NDST4: variants seen among roughly 807,000 people sequenced by gnomAD.
NDST4 encodes the protein N-heparan sulfate sulfotransferase 4.
A neutral mutation model predicts 100.8 loss-of-function variants in NDST4; 63 were observed. That is an observed-to-expected ratio of 0.62 (90% CI 0.51 to 0.77). The LOEUF is 0.77. NDST4 is among the 30% of genes least tolerant of loss of function. NDST4 has a pLI of 0.00. For missense variants in NDST4, 943 were observed against 1,018.4 expected (o/e 0.93, Z 1.01); for synonymous variants, 377 against 361.8 (o/e 1.04, Z -0.48).
chr4:114,930,712 C>T (rs543606152), intron 6 of NDST4, among the ~76,000 whole-genome samples: 4 of 152,046 alleles, frequency 2.6e-5, no homozygotes, highest in Admixed American at 6.6e-5. Flanking sequence ...TTTCTGTATA[C>T]ACTGGGACAT....
At chr4:114,974,656 T>G (rs892735465) in intron 3 of NDST4, among the ~76,000 whole-genome samples, 1 of 152,158 alleles carries the variant, frequency 6.6e-6, no homozygotes, top group Non-Finnish European at 1.5e-5. Context: ...AACTCCGTGC[T>G]TTTATTTTTT....
intron 2 of NDST4, among the ~76,000 whole-genome samples, chr4:115,056,196 A>G (rs2126281123): frequency 1.3e-5 from 2 of 152,112 alleles, no homozygotes; most frequent in Middle Eastern, 3.4e-3. Context: ...TACAAAAGAT[A>G]TAAACATGAG....
rs34847662 is a variant in NDST4 at position 115,076,488 on chromosome 4, G to T, written c.549C>A (p.Asn183Lys). 2.5e-6 allele frequency: 4 copies of T among 1,613,844 alleles called. No individual in the cohort carries two copies. Among genetic ancestry groups the T allele is most frequent in the Non-Finnish European group, 3.4e-6 (4 of 1,179,962 alleles). ...PSTQLKGFPL[N>K]LFNNLALKDC... ...CCTTTAGAGCTAGATTATTGAAAAG[G>T]TTTAACGGAAAGCCTTTTAATTGTG... The change falls in exon 2 of 14, where the codon AAC becomes AAA. Residue 183 changes from asparagine (N) to lysine (K), a missense_variant. Transcript: ENST00000264363.
intron 6 of NDST4, among the ~76,000 whole-genome samples, chr4:114,907,327 A>G (rs988339157): frequency 6.6e-6 from 1 of 152,090 alleles, no homozygotes; most frequent in Non-Finnish European, 1.5e-5. Flanking sequence ...ACATTTACTA[A>G]ATGTCTAGCT....
chr4:114,831,816 G>A (rs1357491171), intron 12 of NDST4, among the ~76,000 whole-genome samples: 1 of 152,108 alleles, frequency 6.6e-6, no homozygotes, highest in African/African-American at 2.4e-5. Flanking sequence ...TCTAACAAAG[G>A]ACATTTATCC....
intron 6 of NDST4, among the ~76,000 whole-genome samples, chr4:114,914,819 A>G (rs1161343211): frequency 2.6e-5 from 4 of 152,100 alleles, no homozygotes; most frequent in Non-Finnish European, 5.9e-5. Flanking sequence ...TTTTTTTAAA[A>G]GGCAAGAGCA....
At chr4:114,955,923 AT>A (rs774585588) in intron 4 of NDST4, 1 of 152,140 alleles carries the variant, frequency 6.6e-6, no homozygotes, top group South Asian at 2.1e-4. Flanking sequence ...TAGGCTTATG[AT>A]TTCTCCTTGG....
At chr4:114,836,559 C>T (rs1390696462) in intron 11 of NDST4, among the ~76,000 whole-genome samples, 2 of 151,984 alleles carry the variant, frequency 1.3e-5, no homozygotes, top group African/African-American at 4.8e-5. Flanking sequence ...TTTTTTTCTT[C>T]GTTTCAACCT....
chr4:115,100,514 A>G (rs1460548053), intron 1 of NDST4, among the ~76,000 whole-genome samples: 1 of 152,118 alleles, frequency 6.6e-6, no homozygotes, highest in Non-Finnish European at 1.5e-5. Flanking sequence ...TGACATTTAT[A>G]TATAACTTTC....
chr4:114,975,774 T>C (rs1258703129), intron 3 of NDST4, among the ~76,000 whole-genome samples: 1 of 152,100 alleles, frequency 6.6e-6, no homozygotes, highest in Non-Finnish European at 1.5e-5. Context: ...TCCCATAATT[T>C]TTCCCCCTGC....
At chr4:115,052,412 A>T (rs1383001) in intron 2 of NDST4, among the ~76,000 whole-genome samples, 1 of 151,926 alleles carries the variant, frequency 6.6e-6, no homozygotes, top group African/African-American at 2.4e-5. Flanking sequence ...CTATCCATTC[A>T]TGTTACAGTT....
At chr4:114,898,591 G>A (rs1724767481) in intron 6 of NDST4, among the ~76,000 whole-genome samples, 1 of 152,156 alleles carries the variant, frequency 6.6e-6, no homozygotes, top group Non-Finnish European at 1.5e-5. Flanking sequence ...CACTTTTGGG[G>A]ATTTTAATTG....
At chr4:115,074,857 A>G (rs1729147739) in intron 2 of NDST4, among the ~76,000 whole-genome samples, 1 of 152,118 alleles carries the variant, frequency 6.6e-6, no homozygotes, top group Non-Finnish European at 1.5e-5. Context: ...TGATTCCTTT[A>G]TTATTCTTAG....
chr4:114,969,442 TCAGA>T (rs1369161240), intron 4 of NDST4, among the ~76,000 whole-genome samples: 1 of 151,636 alleles, frequency 6.6e-6, no homozygotes, highest in Non-Finnish European at 1.5e-5. Context: ...AAGCATAGTA[TCAGA>T]CAGGTAGTTT....
chr4:114,835,206 G>T (rs1723283571), intron 11 of NDST4, among the ~76,000 whole-genome samples: 1 of 152,026 alleles, frequency 6.6e-6, no homozygotes, highest in East Asian at 1.9e-4. Context: ...TTTTAATTAT[G>T]ATGTTAGAGT....
At chr4:115,049,759 T>C (rs767312887) in intron 2 of NDST4, among the ~76,000 whole-genome samples, 1 of 152,082 alleles carries the variant, frequency 6.6e-6, no homozygotes, top group African/African-American at 2.4e-5. Flanking sequence ...GTAAAAGTTG[T>C]TGGAGTTGGG....
At chr4:115,030,221 CA>C (rs1475676794) in intron 2 of NDST4, among the ~76,000 whole-genome samples, 1 of 151,998 alleles carries the variant, frequency 6.6e-6, no homozygotes, top group Non-Finnish European at 1.5e-5. Flanking sequence ...GCTTGTCTAC[CA>C]GCAAGCCAGA....
At chr4:115,018,889 T>C (rs1439995004) in intron 2 of NDST4, among the ~76,000 whole-genome samples, 3 of 151,916 alleles carry the variant, frequency 2.0e-5, no homozygotes, top group Admixed American at 6.6e-5. Flanking sequence ...TTTCAGAAAA[T>C]TGCATCAAAG....
At chr4:115,107,811 A>G (rs1729860721) in intron 1 of NDST4, among the ~76,000 whole-genome samples, 1 of 152,080 alleles carries the variant, frequency 6.6e-6, no homozygotes, top group Non-Finnish European at 1.5e-5. Flanking sequence ...TATTGAGCAA[A>G]AGTAAAAAAG....
Sources: allele counts gnomAD v4.1 joint callset (sites outside exome capture counted in the v4.1 genomes callset), GRCh38; gene constraint gnomAD v4.1.1; transcripts MANE v1.5; gene names NCBI Gene and HGNC (gene_info 2026-07-23, HGNC 2026-07-21).